AKAP13: variants seen among roughly 807,000 people sequenced by gnomAD.
AKAP13 encodes A-kinase anchor protein 13.
In AKAP13, 80 loss-of-function variants were observed where a neutral mutation model predicts 264.5. The observed-to-expected ratio is 0.30, with a 90% confidence interval of 0.25 to 0.36. AKAP13 has a LOEUF of 0.36. AKAP13 is among the 10% of genes least tolerant of loss of function. The pLI is 1.00. For synonymous variants in AKAP13, 1,380 were observed against 1,250.2 expected, an observed-to-expected ratio of 1.10 and a Z score of -2.19; for missense variants, 3,712 against 3,435.2, an observed-to-expected ratio of 1.08 and a Z score of -2.01.
rs1395041173 is a variant in AKAP13 at position 85,563,924 on chromosome 15, C to T, written c.663-11207C>T. On this transcript the variant is annotated intron_variant, in intron 5 of 36. Transcript: ENST00000394518. ...GTTAAGTATCTAGCTCAAGTTCTCA[C>T]TTCTTGTAAGTGGTAAAGTTTGATT... 2.6e-5 allele frequency among the ~76,000 whole-genome samples: 4 copies of T among 152,208 alleles called. No individual in the cohort carries two copies. In the East Asian group the frequency reaches 7.7e-4, roughly 29 times the overall value.
At chr15:85,573,581 T>A (rs2078900904) in intron 5 of AKAP13, among the ~76,000 whole-genome samples, 1 of 109,902 alleles carries the variant, frequency 9.1e-6, no homozygotes, top group African/African-American at 4.1e-5. Flanking sequence ...AAATATGATA[T>A]GATATGGGAT....
At chr15:85,464,812 C>G (rs370866566) in intron 1 of AKAP13, among the ~76,000 whole-genome samples, 7 of 152,164 alleles carry the variant, frequency 4.6e-5, no homozygotes, top group Non-Finnish European at 1.0e-4. Context: ...AATTGCTTAC[C>G]CCGTCCCTTT....
intron 1 of AKAP13, among the ~76,000 whole-genome samples, chr15:85,440,656 G>A (rs2073600144): frequency 6.6e-6 from 1 of 152,178 alleles, no homozygotes; most frequent in Admixed American, 6.5e-5. Context: ...TATCTAAACA[G>A]TGACAAAGTT....
intron 35 of AKAP13, among the ~76,000 whole-genome samples, chr15:85,741,731 A>AACC (rs1157999890): frequency 4.3e-4 from 42 of 97,024 alleles, no homozygotes; most frequent in African/African-American, 2.5e-3. Flanking sequence ...CAAACAAACA[A>AACC]AAAAAAAAAA....
rs182677490 is a variant in AKAP13 at position 85,695,226 on chromosome 15, G to A, written c.5464+1775G>A. 8.8e-3 allele frequency among the ~76,000 whole-genome samples: 1,341 copies of A among 152,290 alleles called. 19 individuals are homozygous for A. Among genetic ancestry groups the A allele is most frequent in the Middle Eastern group, 0.031 (9 of 294 alleles). ...TCGAAACCAGCCTGGCCAACATGGC[G>A]AAACCCCGTCTCTACTAAAAATACA... On this transcript the variant is annotated intron_variant, in intron 17 of 36. Coordinates refer to ENST00000394518, the MANE Select transcript of AKAP13 (RefSeq NM_007200.5).
At chr15:85,609,286 G>C (rs983885870) in intron 8 of AKAP13, among the ~76,000 whole-genome samples, 2 of 152,076 alleles carry the variant, frequency 1.3e-5, no homozygotes, top group Admixed American at 6.5e-5. Context: ...CCTTGTCCCA[G>C]CCTCTAGTAA....
intron 1 of AKAP13, among the ~76,000 whole-genome samples, chr15:85,397,265 C>T (rs1438290940): frequency 6.6e-6 from 1 of 152,018 alleles, no homozygotes; most frequent in African/African-American, 2.4e-5. Context: ...ATATTATGTC[C>T]TAAGTGCATA....
intron 19 of AKAP13, among the ~76,000 whole-genome samples, chr15:85,711,010 CT>C (rs34143380): frequency 0.47 from 69,332 of 148,984 alleles, 17,214 homozygotes; most frequent in Middle Eastern, 0.62. Context: ...GCTTGTTAAA[CT>C]TTTTTTTTTT....
At chr15:85,509,565 T>C (rs1259984527) in intron 2 of AKAP13, among the ~76,000 whole-genome samples, 1 of 152,198 alleles carries the variant, frequency 6.6e-6, no homozygotes, top group Admixed American at 6.5e-5. Context: ...CTAAGGAGCC[T>C]TGGGGTACTG....
At chr15:85,634,146 A>G (rs989535249) in intron 8 of AKAP13, among the ~76,000 whole-genome samples, 6 of 152,286 alleles carry the variant, frequency 3.9e-5, no homozygotes, top group Non-Finnish European at 5.9e-5. Context: ...AGCAAATGAT[A>G]AAGTGTTTTG....
In AKAP13 at chr15:85,718,261, G is replaced by C. The variant is rs1253827021; in HGVS notation, c.6001+102G>C. The C allele has an allele frequency of 1.4e-6, 2 of 1,386,820 alleles. No individual in the cohort carries two copies. The highest frequency in any genetic ancestry group is 2.1e-5 in the Admixed American group (1 of 47,434). The allele number at this position is 1,386,820 out of a possible 1,614,324, so 85.9% of individuals were successfully genotyped here. A position where few individuals can be genotyped will look rare whatever the true frequency, so the allele number is the denominator to read the frequency against. On this transcript the variant is annotated intron_variant, in intron 22 of 36. Coordinates refer to ENST00000394518, the MANE Select transcript of AKAP13 (RefSeq NM_007200.5). This position sits in a 1 kb window ranked among gnomAD's most constrained non-coding sequence, Gnocchi z 4.9. ...TGAAAAATCAGTTTTTTAGTATGTG[G>C]CTTCTTGAAAAGATTTCCTTTAAAA...
intron 2 of AKAP13, among the ~76,000 whole-genome samples, chr15:85,487,298 G>A (rs562261975): frequency 4.6e-4 from 70 of 152,238 alleles, no homozygotes; most frequent in African/African-American, 1.7e-3. Flanking sequence ...GTACAACATT[G>A]AATAGAAGTG....
In AKAP13 at chr15:85,744,716, T is replaced by A. The variant is rs1199720561; in HGVS notation, c.*39T>A. On this transcript the variant is annotated 3_prime_UTR_variant, in exon 37 of 37. Coordinates refer to ENST00000394518, the MANE Select transcript of AKAP13 (RefSeq NM_007200.5). Reference sequence around the variant, plus strand: ...TGCTGAGGCAGCTGCCTCCTGATCCTGGCCAGCCCACCTCTCCTGCTGTCC... The same window carrying A: ...TGCTGAGGCAGCTGCCTCCTGATCCAGGCCAGCCCACCTCTCCTGCTGTCC... 1 of 1,560,182 alleles carries A rather than the reference T, an allele frequency of 6.4e-7. No individual in the cohort carries two copies. Among genetic ancestry groups the A allele is most frequent in the Non-Finnish European group, 8.7e-7 (1 of 1,153,470 alleles).
intron 30 of AKAP13, among the ~76,000 whole-genome samples, chr15:85,731,981 G>A (rs1369798804): frequency 6.6e-6 from 1 of 151,820 alleles, no homozygotes; most frequent in Admixed American, 6.6e-5. Flanking sequence ...TCCTCAGGAG[G>A]CTGAGGCAGG....
In AKAP13 at chr15:85,673,119, C is replaced by A. The variant is rs543103549; in HGVS notation, c.5101+3289C>A. Among the ~76,000 whole-genome samples, 28 of 152,322 alleles carry A rather than the reference C, an allele frequency of 1.8e-4. 1 individual carries two copies. The East Asian group carries it at 5.4e-3, about 29-fold the overall frequency. On this transcript the variant is annotated intron_variant, in intron 14 of 36. Transcript: ENST00000394518. Reference sequence around the variant, plus strand: ...TTTCTGGAAATGTATTTCCACTGAGCTGTTGTCCAGAATGTCTTTTGTTGG... The same window carrying A: ...TTTCTGGAAATGTATTTCCACTGAGATGTTGTCCAGAATGTCTTTTGTTGG...
Position 85,693,313 on chromosome 15 carries a change from G to A in AKAP13, c.5326G>A (p.Glu1776Lys). The A allele has an allele frequency of 6.2e-7, 1 of 1,607,546 alleles. No homozygotes were observed. Among genetic ancestry groups the A allele is most frequent in the Non-Finnish European group, 8.5e-7 (1 of 1,178,502 alleles). ...EKEKDKIKEK[E>K]KDSKDKEKDK... ...AGAAAAAGATAAGATTAAGGAGAAG[G>A]AGAAAGATTCTAAAGACAAGGAGAA... The change falls in exon 17 of 37, where the codon GAG becomes AAG. Residue 1776 changes from glutamate to lysine, a missense_variant. Glu to Lys is a moderately conservative substitution (Grantham distance 56). Coordinates refer to ENST00000394518, the MANE Select transcript of AKAP13 (RefSeq NM_007200.5).
At chr15:85,550,190 C>G (rs1483828379) in intron 5 of AKAP13, among the ~76,000 whole-genome samples, 1 of 152,174 alleles carries the variant, frequency 6.6e-6, no homozygotes, top group African/African-American at 2.4e-5. Flanking sequence ...GCTGGGATTA[C>G]AGACGTGAGC....
chr15:85,399,244 C>T (rs1481041140), intron 1 of AKAP13, among the ~76,000 whole-genome samples: 1 of 151,898 alleles, frequency 6.6e-6, no homozygotes, highest in African/African-American at 2.4e-5. Context: ...CGCCTGTAAT[C>T]CCAGCACTTT....
intron 30 of AKAP13, among the ~76,000 whole-genome samples, chr15:85,733,841 C>G (rs566847031): frequency 6.9e-6 from 1 of 145,888 alleles, no homozygotes; most frequent in African/African-American, 2.5e-5. Context: ...TTAGTTCTTT[C>G]ATGTCTTTTG....
Sources: allele counts gnomAD v4.1 joint callset (sites outside exome capture counted in the v4.1 genomes callset), GRCh38; gene constraint gnomAD v4.1.1; non-coding constraint Gnocchi (gnomAD v3.1); transcripts MANE v1.5; gene names NCBI Gene and HGNC (gene_info 2026-07-23, HGNC 2026-07-21).